LDHB: variants seen among roughly 807,000 people sequenced by gnomAD.
The protein encoded by LDHB is L-lactate dehydrogenase B chain.
Under a neutral mutation model 33.4 loss-of-function variants are expected in LDHB, and 18 were observed. That is an observed-to-expected ratio of 0.54 (90% confidence interval 0.37 to 0.80). The LOEUF is 0.80. Among genes scored for constraint, LDHB ranks in the 30% least tolerant of loss-of-function variants. The probability of loss-of-function intolerance (pLI) is 0.00; values close to 1 mark genes in which losing one functional copy is unlikely to be tolerated. For missense variants in LDHB, 345 were observed against 407.9 expected (o/e 0.85, Z 1.33); for synonymous variants, 121 against 140.6 (o/e 0.86, Z 0.98).
intron 3 of LDHB, among the ~76,000 whole-genome samples, chr12:21,644,351 G>A (rs1650295): frequency 0.95 from 140,911 of 148,842 alleles, 67,106 homozygotes; most frequent in East Asian, 1. Flanking sequence ...CCGAAAGTAT[G>A]TTTTTGGCTA....
At chr12:21,638,327 C>G (rs1938272724) in intron 6 of LDHB, 26 bp downstream of exon 6, 1 of 1,196,206 alleles carries the variant, frequency 8.4e-7, no homozygotes, top group South Asian at 1.2e-5. Context: ...AATTAATCAT[C>G]TAAAATCAAG....
chr12:21,651,264 A>G (rs1938681867), intron 2 of LDHB, among the ~76,000 whole-genome samples: 1 of 152,220 alleles, frequency 6.6e-6, no homozygotes, highest in South Asian at 2.1e-4. Flanking sequence ...GTGAGGCCTC[A>G]TGGGATTTTA....
intron 2 of LDHB, among the ~76,000 whole-genome samples, chr12:21,650,705 A>C (rs1469422606): frequency 6.6e-6 from 1 of 152,242 alleles, no homozygotes; most frequent in Non-Finnish European, 1.5e-5. Context: ...AGAAGCCATG[A>C]CCAAGTTTGA....
intron 7 of LDHB, among the ~76,000 whole-genome samples, chr12:21,636,065 T>C (rs1938207765): frequency 6.6e-6 from 1 of 152,134 alleles, no homozygotes; most frequent in African/African-American, 2.4e-5. Flanking sequence ...TATGAGAAAA[T>C]TAGATATTTG....
intron 5 of LDHB, among the ~76,000 whole-genome samples, chr12:21,639,407 C>T (rs1050985618): frequency 1.3e-5 from 2 of 152,020 alleles, no homozygotes; most frequent in South Asian, 2.1e-4. Context: ...ACTAAAAGTT[C>T]TTCAATAGCT....
At chr12:21,637,409 T>C (rs760528677) in intron 6 of LDHB, 282 of 447,908 alleles carry the variant, frequency 6.3e-4, no homozygotes, top group Non-Finnish European at 1.0e-3. Flanking sequence ...ATATAAATGC[T>C]TGATAACTTT....
intron 3 of LDHB, among the ~76,000 whole-genome samples, chr12:21,644,424 C>CAAAAAAAAAAA (rs72491634): frequency 2.8e-3 from 42 of 15,168 alleles, no homozygotes; most frequent in Middle Eastern, 0.083. Flanking sequence ...AGGTAGACAT[C>CAAAAAAAAAAA]AAAAAAAAAA....
chr12:21,654,215 C>A (rs754505356), intron 2 of LDHB: 1 of 329,320 alleles, frequency 3.0e-6, no homozygotes, highest in African/African-American at 2.1e-5. Flanking sequence ...GACACATGAT[C>A]TTGGACTGAG....
At chr12:21,652,852 G>T (rs1053587095) in intron 2 of LDHB, among the ~76,000 whole-genome samples, 15 of 148,540 alleles carry the variant, frequency 1.0e-4, no homozygotes, top group Non-Finnish European at 2.2e-4. Flanking sequence ...ATGTTCATGG[G>T]TGTGCACTAC....
At chr12:21,636,168 T>C (rs1484562519) in intron 7 of LDHB, among the ~76,000 whole-genome samples, 1 of 152,016 alleles carries the variant, frequency 6.6e-6, no homozygotes, top group African/African-American at 2.4e-5. Context: ...GATATATGAG[T>C]CTTCAAATTA....
chr12:21,644,239 T>C (rs1380870758), intron 3 of LDHB, 131 bp from the exon 4 acceptor site: 2 of 667,138 alleles, frequency 3.0e-6, no homozygotes, highest in Non-Finnish European at 5.1e-6. Flanking sequence ...GTTTTCTGTA[T>C]TGTAAGGGCT....
chr12:21,643,163 A>C (rs1290858924), intron 4 of LDHB, among the ~76,000 whole-genome samples: 3 of 152,224 alleles, frequency 2.0e-5, no homozygotes, highest in Non-Finnish European at 4.4e-5. Flanking sequence ...CTCAATACTC[A>C]AGATACTGTG....
At chr12:21,638,664 T>C (rs1423414794) in intron 5 of LDHB, 194 bp from the exon 6 acceptor site, 3 of 563,814 alleles carry the variant, frequency 5.3e-6, no homozygotes, top group Non-Finnish European at 9.4e-6. Flanking sequence ...AATAGCAACA[T>C]GTCTGACCTT....
chr12:21,637,168 C>T lies in LDHB; in HGVS notation c.740G>A (p.Gly247Glu), dbSNP rs1043836031. 6.2e-7 allele frequency: 1 copy of T among 1,602,280 alleles called. No homozygotes were observed. The highest frequency in any genetic ancestry group is 1.3e-5 in the African/African-American group (1 of 74,658). Residue 247 changes from glycine (G) to glutamate (E), a missense_variant, in exon 7 of 8, where the codon GGA becomes GAA. Transcript: ENST00000350669. ...ESAYEVIKLK[G>E]YTNWAIGLSV... ...TAATCCAATAGCCCAGTTGGTATATCCTTTTAGCTTGATGACTTCATAGGC... is the reference window on the plus strand; with the variant it reads ...TAATCCAATAGCCCAGTTGGTATATTCTTTTAGCTTGATGACTTCATAGGC...
intron 2 of LDHB, among the ~76,000 whole-genome samples, chr12:21,647,519 G>A (rs2136974193): frequency 6.6e-6 from 1 of 152,218 alleles, no homozygotes; most frequent in African/African-American, 2.4e-5. Flanking sequence ...TTTATGGACA[G>A]AGGAATCTAG....
At chr12:21,644,892 A>C (rs1044884568) in intron 3 of LDHB, among the ~76,000 whole-genome samples, 48 of 152,168 alleles carry the variant, frequency 3.2e-4, no homozygotes, top group African/African-American at 1.1e-3. Context: ...AAAAATTTAT[A>C]CATAATAGCT....
chr12:21,649,105 T>C (rs966250283), intron 2 of LDHB, among the ~76,000 whole-genome samples: 2 of 152,204 alleles, frequency 1.3e-5, no homozygotes, highest in African/African-American at 4.8e-5. Context: ...ATAATAGCTA[T>C]AATGGTTCTA....
In LDHB at chr12:21,646,777, T is replaced by C. The variant is rs1377334811; in HGVS notation, c.247+122A>G. ...TCTTATTAACAGTTATTGAAATAAC[T>C]GTTCCAAAACTTCAACCTTTCCTAC... On this transcript the variant is annotated intron_variant, in intron 3 of 7. Coordinates refer to ENST00000350669, the MANE Select transcript of LDHB (RefSeq NM_002300.8). The C allele has an allele frequency of 2.6e-5, 19 of 718,948 alleles. No individual in the cohort carries two copies. The Admixed American group carries it at 3.2e-4, about 12-fold the overall frequency. The allele number at this position is 718,948 out of a possible 1,614,324, so 44.5% of individuals were successfully genotyped here. A position where few individuals can be genotyped will look rare whatever the true frequency, so the allele number is the denominator to read the frequency against.
chr12:21,651,561 G>A (rs1329908292), intron 2 of LDHB, among the ~76,000 whole-genome samples: 1 of 152,098 alleles, frequency 6.6e-6, no homozygotes, highest in Non-Finnish European at 1.5e-5. Context: ...AGCTCAAAAA[G>A]GCCAGATCTG....
Sources: gnomAD v4.1 joint callset for allele counts (sites outside exome capture counted in the v4.1 genomes callset) on GRCh38, gnomAD v4.1.1 for gene constraint, MANE v1.5 for transcripts, NCBI Gene and HGNC (gene_info 2026-07-23, HGNC 2026-07-21) for gene names.